VAV3: variants seen among roughly 807,000 people sequenced by gnomAD.
The protein encoded by VAV3 is vav guanine nucleotide exchange factor 3, also known as guanine nucleotide exchange factor VAV3.
A neutral mutation model predicts 131.2 loss-of-function variants in VAV3; 94 were observed. The ratio of observed to expected loss-of-function variants is 0.72; its 90% confidence interval spans 0.61 to 0.85. The LOEUF is 0.85. Ranked by LOEUF, VAV3 falls within the 40% of genes least tolerant of loss-of-function variation. VAV3 has a pLI of 0.00. For synonymous variants in VAV3, 349 were observed against 342.0 expected, an observed-to-expected ratio of 1.02 and a Z score of -0.22; for missense variants, 939 against 1,002.7, an observed-to-expected ratio of 0.94 and a Z score of 0.86.
At chr1:107,574,316 C>A (rs896408718) in intron 25 of VAV3, 118 bp from the exon 26 acceptor site, 4 of 1,266,768 alleles carry the variant, frequency 3.2e-6, no homozygotes, top group South Asian at 1.7e-5. Flanking sequence ...CATTACAGAC[C>A]AGCGATAATG....
intron 2 of VAV3, among the ~76,000 whole-genome samples, chr1:107,788,086 C>T (rs1200904451): frequency 1.3e-5 from 2 of 152,154 alleles, no homozygotes; most frequent in Non-Finnish European, 2.9e-5. Context: ...TCCTCCCATG[C>T]CTCTGCTATG....
intron 20 of VAV3, among the ~76,000 whole-genome samples, chr1:107,623,993 T>C (rs1338908455): frequency 6.6e-6 from 1 of 152,206 alleles, no homozygotes; most frequent in African/African-American, 2.4e-5. Context: ...GGGTTTATAA[T>C]TGCATCGAGT....
At chr1:107,635,690 C>A (rs1654877627) in intron 20 of VAV3, among the ~76,000 whole-genome samples, 1 of 152,080 alleles carries the variant, frequency 6.6e-6, no homozygotes, top group Non-Finnish European at 1.5e-5. Flanking sequence ...GTGAAAGAAA[C>A]TCACAAAACT....
chr1:107,810,193 C>A (rs867838555), intron 2 of VAV3, among the ~76,000 whole-genome samples: 64 of 152,194 alleles, frequency 4.2e-4, no homozygotes, highest in African/African-American at 1.5e-3. Flanking sequence ...TTCAACCTTG[C>A]CTTTGGGGGC....
chr1:107,851,107 G>A (rs1669202097), intron 2 of VAV3, among the ~76,000 whole-genome samples: 2 of 150,236 alleles, frequency 1.3e-5, no homozygotes, highest in East Asian at 3.9e-4. Flanking sequence ...GCCCTCCGGA[G>A]CTTGCAGTGA....
At chr1:107,847,325 G>A (rs927988313) in intron 2 of VAV3, among the ~76,000 whole-genome samples, 1 of 152,306 alleles carries the variant, frequency 6.6e-6, no homozygotes, top group African/African-American at 2.4e-5. Flanking sequence ...AAGTGGGAAA[G>A]ATCTAAAATC....
intron 1 of VAV3, among the ~76,000 whole-genome samples, chr1:107,954,547 T>C (rs879793041): frequency 2.0e-5 from 3 of 151,800 alleles, no homozygotes; most frequent in Non-Finnish European, 4.4e-5. Context: ...TTTTTTTTTT[T>C]TTTTTTGAGA....
Position 107,747,966 on chromosome 1 carries a change from G to T in VAV3, c.1502+1002C>A, listed in dbSNP as rs1306538117. On this transcript the variant is annotated intron_variant, in intron 15 of 26. Transcript: ENST00000370056. ...CAAGGAAAAAAAATTGATAGAATTT[G>T]TCAACAACTGGTAAATAATCTTTAT... Among the ~76,000 whole-genome samples the T allele has an allele frequency of 2.6e-5, 4 of 151,984 alleles. No individual in the cohort carries two copies. The East Asian group carries it at 7.7e-4, about 29-fold the overall frequency.
chr1:107,654,717 A>G (rs987641712), intron 19 of VAV3, among the ~76,000 whole-genome samples: 2 of 152,008 alleles, frequency 1.3e-5, no homozygotes, highest in African/African-American at 4.8e-5. Context: ...TACCAAAATT[A>G]TATTATGGTT....
intron 15 of VAV3, among the ~76,000 whole-genome samples, chr1:107,743,539 AAAT>A (rs1663146859): frequency 6.6e-6 from 1 of 152,194 alleles, no homozygotes; most frequent in South Asian, 2.1e-4. Flanking sequence ...TTATATTTAG[AAAT>A]AATAATACTT....
chr1:107,731,461 G>T (rs747375082), intron 15 of VAV3, among the ~76,000 whole-genome samples: 18 of 152,134 alleles, frequency 1.2e-4, no homozygotes, highest in Non-Finnish European at 2.2e-4. Flanking sequence ...TAGAGGGATA[G>T]CAATCTTCAT....
chr1:107,924,966 A>G (rs1307057282), intron 1 of VAV3, among the ~76,000 whole-genome samples: 1 of 152,242 alleles, frequency 6.6e-6, no homozygotes, highest in Admixed American at 6.5e-5. Context: ...AGATATGTAC[A>G]GGATGGTCAA....
chr1:107,734,526 G>C (rs1177857692), intron 15 of VAV3, among the ~76,000 whole-genome samples: 1 of 152,084 alleles, frequency 6.6e-6, no homozygotes, highest in African/African-American at 2.4e-5. Context: ...CTACCAACCA[G>C]ATGGAAAGCA....
chr1:107,584,037 T>C (rs1370197090), intron 25 of VAV3, among the ~76,000 whole-genome samples: 1 of 152,088 alleles, frequency 6.6e-6, no homozygotes, highest in Non-Finnish European at 1.5e-5. Flanking sequence ...CAAAACAGCA[T>C]GGTACTGGTA....
In VAV3 at chr1:107,704,532, A is replaced by G. The variant is rs755062142; in HGVS notation, c.1705+18T>C. 1.3e-6 allele frequency: 2 copies of G among 1,597,466 alleles called. No homozygotes were observed. Among genetic ancestry groups the G allele is most frequent in the South Asian group, 2.2e-5 (2 of 89,706 alleles). On this transcript the variant is annotated intron_variant, in intron 17 of 26. Transcript: ENST00000370056. Reference sequence around the variant, plus strand: ...TGTCCTCATTAAAAACAGAATTGCAACAATAAACATGACTTACCACCAGAA... The same window carrying G: ...TGTCCTCATTAAAAACAGAATTGCAGCAATAAACATGACTTACCACCAGAA...
chr1:107,783,889 A>C (rs560908908), intron 2 of VAV3, among the ~76,000 whole-genome samples: 1 of 141,110 alleles, frequency 7.1e-6, no homozygotes, highest in Admixed American at 7.0e-5. Context: ...TCTACTAAAA[A>C]TACAAAAAAA....
At chr1:107,765,838 G>A (rs920387664) in intron 8 of VAV3, among the ~76,000 whole-genome samples, 9 of 152,114 alleles carry the variant, frequency 5.9e-5, no homozygotes, top group Non-Finnish European at 1.3e-4. Context: ...AATATTTATC[G>A]AAGACTTGAT....
intron 2 of VAV3, among the ~76,000 whole-genome samples, chr1:107,829,791 T>G (rs768666829): frequency 7.9e-5 from 12 of 152,208 alleles, no homozygotes; most frequent in Non-Finnish European, 1.8e-4. Flanking sequence ...TTGCTTTTAA[T>G]TATGGAACAT....
intron 2 of VAV3, among the ~76,000 whole-genome samples, chr1:107,861,106 T>C (rs2100984318): frequency 6.6e-6 from 1 of 151,646 alleles, no homozygotes; most frequent in South Asian, 2.1e-4. Context: ...CTGTTACATC[T>C]CTAGGAATTG....
Sources: gnomAD v4.1 joint callset for allele counts (sites outside exome capture counted in the v4.1 genomes callset) on GRCh38, gnomAD v4.1.1 for gene constraint, MANE v1.5 for transcripts, NCBI Gene and HGNC (gene_info 2026-07-23, HGNC 2026-07-21) for gene names.